The following BEAN1 variants were observed in gnomAD, a reference collection of about 807,000 sequenced individuals.
BEAN1 encodes the protein protein BEAN1.
In BEAN1, 17 loss-of-function variants were observed where a neutral mutation model predicts 17.7. The observed-to-expected ratio is 0.96, with a 90% CI of 0.66 to 1.44. BEAN1 has a LOEUF of 1.44. Ranked by LOEUF, BEAN1 falls within the 40% of genes most tolerant of loss-of-function variation. The pLI is 0.00. For synonymous variants in BEAN1, 142 were observed against 151.8 expected, an observed-to-expected ratio of 0.94 and a Z score of 0.47; for missense variants, 359 against 374.1, an observed-to-expected ratio of 0.96 and a Z score of 0.33.
intron 2 of BEAN1, among the ~76,000 whole-genome samples, chr16:66,462,644 A>C (rs937970393): frequency 6.6e-5 from 10 of 152,176 alleles, no homozygotes; most frequent in African/African-American, 2.4e-4. Flanking sequence ...TCTGCTAAAA[A>C]TACAAAATTA....
chr16:66,457,060 G>A (rs1356251978), intron 2 of BEAN1, among the ~76,000 whole-genome samples: 1 of 152,230 alleles, frequency 6.6e-6, no homozygotes, highest in Non-Finnish European at 1.5e-5. Context: ...GGTGGGAGCA[G>A]GGAACAGTGC....
intron 2 of BEAN1, among the ~76,000 whole-genome samples, chr16:66,467,283 A>G (rs368147208): frequency 1.3e-5 from 2 of 152,214 alleles, no homozygotes; most frequent in African/African-American, 2.4e-5. Context: ...TCACATTGCT[A>G]TGAAGAAATA....
At chr16:66,437,491 C>G in intron 1 of BEAN1, 104 bp from the exon 2 acceptor site, 1 of 667,168 alleles carries the variant, frequency 1.5e-6, no homozygotes, top group Non-Finnish European at 2.5e-6. Context: ...AGTGACCATC[C>G]TCTCCCGCAG....
rs544196852 is a variant in BEAN1 at position 66,444,481 on chromosome 16, G to C, written c.25+6780G>C. Among the ~76,000 whole-genome samples, 4 of 152,332 alleles carry C rather than the reference G, an allele frequency of 2.6e-5. No individual in the cohort carries two copies. The South Asian group carries it at 8.3e-4, about 32-fold the overall frequency. ...GTCCCTGCTGGTCACAGTGCAGGGGGAGGATGGAGGGGAGGAAGACAGAGA... is the reference window on the plus strand; with the variant it reads ...GTCCCTGCTGGTCACAGTGCAGGGGCAGGATGGAGGGGAGGAAGACAGAGA... On this transcript the variant is annotated intron_variant, in intron 2 of 4. Transcript: ENST00000536005.
intron 2 of BEAN1, among the ~76,000 whole-genome samples, chr16:66,461,558 A>G (rs1262444887): frequency 1.4e-5 from 2 of 143,610 alleles, no homozygotes; most frequent in African/African-American, 2.5e-5. Flanking sequence ...TGTGCAGGGC[A>G]GGCAGGCGCA....
intron 2 of BEAN1, among the ~76,000 whole-genome samples, chr16:66,450,402 C>G (rs1962627324): frequency 6.6e-6 from 1 of 152,186 alleles, no homozygotes; most frequent in South Asian, 2.1e-4. Context: ...AAGACCTATA[C>G]TTCTACTACT....
Position 66,439,460 on chromosome 16 carries a change from G to C in BEAN1, c.25+1759G>C, listed in dbSNP as rs533997930. On this transcript the variant is annotated intron_variant, in intron 2 of 4. Transcript: ENST00000536005. ...AGCAGCCCAGCATGGAGAAGCCTGGGAAAAGTCAAGGCTGGGGATGCTGAG... is the reference window on the plus strand; with the variant it reads ...AGCAGCCCAGCATGGAGAAGCCTGGCAAAAGTCAAGGCTGGGGATGCTGAG... Among the ~76,000 whole-genome samples, 4 of 152,318 alleles carry C rather than the reference G, an allele frequency of 2.6e-5. No individual in the cohort carries two copies. In the South Asian group the frequency reaches 8.3e-4, roughly 32 times the overall value.
In BEAN1 at chr16:66,434,654, A is replaced by C. The variant is rs952619231; in HGVS notation, c.-82-2941A>C. Among the ~76,000 whole-genome samples the C allele has an allele frequency of 1.3e-5, 2 of 152,138 alleles. No homozygotes were observed. The highest frequency in any genetic ancestry group is 4.8e-5 in the African/African-American group (2 of 41,436). Reference sequence around the variant, plus strand: ...GCGGGAGGCTGTGTTTAAAGTGCTGATGGCATTGCAGGAGGCAGGGAGTGG... The same window carrying C: ...GCGGGAGGCTGTGTTTAAAGTGCTGCTGGCATTGCAGGAGGCAGGGAGTGG... On this transcript the variant is annotated intron_variant, in intron 1 of 4. Transcript: ENST00000536005. The surrounding 1 kb of genome is among the most constrained non-coding windows in gnomAD (Gnocchi z 4.3).
At chr16:66,437,097 T>C (rs1324694277) in intron 1 of BEAN1, among the ~76,000 whole-genome samples, 1 of 151,374 alleles carries the variant, frequency 6.6e-6, no homozygotes, top group Admixed American at 6.6e-5. Flanking sequence ...CTCTTATTTA[T>C]GTTGGGGTAA....
intron 2 of BEAN1, among the ~76,000 whole-genome samples, chr16:66,446,060 G>A (rs1392307593): frequency 4.6e-5 from 7 of 152,134 alleles, no homozygotes; most frequent in East Asian, 3.9e-4. Flanking sequence ...GGGCACGCCT[G>A]TAATCCCAGC....
At chr16:66,440,568 A>C (rs1397530788) in intron 2 of BEAN1, among the ~76,000 whole-genome samples, 2 of 152,164 alleles carry the variant, frequency 1.3e-5, no homozygotes, top group Non-Finnish European at 2.9e-5. Flanking sequence ...GTGGAAGAGC[A>C]GGGATTCTCC....
chr16:66,442,173 T>A (rs568256995), intron 2 of BEAN1, among the ~76,000 whole-genome samples: 4 of 152,256 alleles, frequency 2.6e-5, no homozygotes, highest in Non-Finnish European at 4.4e-5. Flanking sequence ...GCCTCAAGCC[T>A]TGAGTGAGTA....
chr16:66,447,641 C>T (rs1962504601), intron 2 of BEAN1, among the ~76,000 whole-genome samples: 1 of 152,154 alleles, frequency 6.6e-6, no homozygotes, highest in African/African-American at 2.4e-5. Context: ...TTGCCAAGTT[C>T]CAGCAGGGAC....
chr16:66,474,033 A>G (rs1963594332), intron 3 of BEAN1, among the ~76,000 whole-genome samples: 1 of 152,148 alleles, frequency 6.6e-6, no homozygotes, highest in Non-Finnish European at 1.5e-5. Flanking sequence ...CATGCCCAGA[A>G]GTCCCCTGGA....
chr16:66,478,094 C>T (rs779875045), intron 4 of BEAN1: 12 of 167,618 alleles, frequency 7.2e-5, no homozygotes, highest in Non-Finnish European at 1.1e-4. Flanking sequence ...TGGCTATTTC[C>T]GTGGCTGTGG....
chr16:66,439,829 C>G (rs1317000261), intron 2 of BEAN1, among the ~76,000 whole-genome samples: 7 of 152,182 alleles, frequency 4.6e-5, no homozygotes, highest in Non-Finnish European at 7.3e-5. Flanking sequence ...GACTTTGACC[C>G]AGACATATCT....
intron 2 of BEAN1, among the ~76,000 whole-genome samples, chr16:66,438,811 C>CG (rs1388302025): frequency 3.3e-5 from 5 of 152,170 alleles, no homozygotes; most frequent in Non-Finnish European, 7.3e-5. Context: ...TGAGCCCCCC[C>CG]CAAACCACCA....
intron 1 of BEAN1, among the ~76,000 whole-genome samples, chr16:66,430,901 T>C (rs565988553): frequency 3.5e-4 from 53 of 152,370 alleles, no homozygotes; most frequent in Non-Finnish European, 5.9e-4. Context: ...TTTACAAACA[T>C]ATGGTCTATT....
At position 66,493,161 on chromosome 16, in the gene BEAN1, C is replaced by A. The variant is rs747652408; in HGVS notation, c.347C>A (p.Thr116Asn). 29 of 702,868 alleles carry A rather than the reference C, an allele frequency of 4.1e-5. No individual in the cohort carries two copies. In the South Asian group the frequency reaches 4.1e-4, roughly 10 times the overall value. 43.5% of individuals were successfully genotyped at this position (702,868 alleles called of 1,614,324 possible). ...GTCTCATGTGAAGCCGTTCTCAGAA[C>A]CGCGGGCACACGGATGCTTGAGCCG... The change falls in exon 5 of 5, where the codon ACC (threonine) becomes AAC (asparagine). Residue 116 changes from threonine to asparagine, a missense_variant. Physicochemically the swap from Thr to Asn is moderately conservative, Grantham distance 65. Coordinates refer to the BEAN1 transcript ENST00000561796.
Sources: allele counts gnomAD v4.1 joint callset (sites outside exome capture counted in the v4.1 genomes callset), GRCh38; gene constraint gnomAD v4.1.1; non-coding constraint Gnocchi (gnomAD v3.1); transcripts MANE v1.5; gene names NCBI Gene and HGNC (gene_info 2026-07-23, HGNC 2026-07-21).